Variants in BAIAP2 observed in about 807,000 individuals in gnomAD.
BAIAP2 encodes the protein BAR/IMD domain containing adaptor protein 2.
In BAIAP2, 18 loss-of-function variants were observed where a neutral mutation model predicts 63.0. The observed-to-expected ratio is 0.29, with a 90% CI of 0.20 to 0.42. The LOEUF is 0.42. BAIAP2 is among the 10% of genes least tolerant of loss of function. BAIAP2 has a pLI of 1.00. For synonymous variants in BAIAP2, 386 were observed against 307.6 expected (o/e 1.25, Z -2.67); for missense variants, 610 against 734.3 (o/e 0.83, Z 1.96).
intron 6 of BAIAP2, 72 bp downstream of exon 6, chr17:81,086,652 C>T (rs1206581654): frequency 5.1e-6 from 8 of 1,572,712 alleles, no homozygotes; most frequent in Non-Finnish European, 7.0e-6. Context: ...CCCCCCTCGT[C>T]CACAGGGAGT....
chr17:81,068,604 C>T (rs1004826908), intron 3 of BAIAP2, among the ~76,000 whole-genome samples: 4 of 152,250 alleles, frequency 2.6e-5, no homozygotes, highest in African/African-American at 7.2e-5. Context: ...ACAGACGGAG[C>T]CAGCACTGGA....
intron 3 of BAIAP2, chr17:81,076,354 G>A (rs1304168370): frequency 6.6e-6 from 1 of 152,238 alleles, no homozygotes; most frequent in African/African-American, 2.4e-5. Flanking sequence ...GCCCCGTCTA[G>A]GTTGTGGAGG....
intron 2 of BAIAP2, among the ~76,000 whole-genome samples, chr17:81,056,088 T>G (rs2049506768): frequency 6.6e-6 from 1 of 152,180 alleles, no homozygotes; most frequent in Middle Eastern, 3.2e-3. Context: ...GAGCTGCCTT[T>G]GCCTCTGGCC....
At chr17:81,073,496 A>T (rs1018003071) in intron 3 of BAIAP2, among the ~76,000 whole-genome samples, 1 of 152,198 alleles carries the variant, frequency 6.6e-6, no homozygotes, top group Admixed American at 6.5e-5. Context: ...AACTGAAATC[A>T]TCATGAAATG....
chr17:81,049,751 C>A (rs1340542699), intron 1 of BAIAP2, among the ~76,000 whole-genome samples: 1 of 152,250 alleles, frequency 6.6e-6, no homozygotes, highest in African/African-American at 2.4e-5. Context: ...CCCCTGCCCC[C>A]ACCTGGGGAC....
chr17:81,098,711 C>G (rs776939358), intron 6 of BAIAP2, among the ~76,000 whole-genome samples: 3 of 152,218 alleles, frequency 2.0e-5, no homozygotes, highest in African/African-American at 4.8e-5. Context: ...TGCTGGAACC[C>G]TTTCTGGGCC....
Position 81,106,917 on chromosome 17 carries a change from C to T in BAIAP2, c.1500+10C>T, listed in dbSNP as rs758313294. On this transcript the variant is annotated intron_variant, in intron 12 of 13. Coordinates refer to ENST00000428708, the MANE Select transcript of BAIAP2 (RefSeq NM_001144888.2). ...GCCCGCCTTCTCCCAGGTCAGTGGGCGGGGCCGGGGCTGGGAGGGGCCCGC... is the reference window on the plus strand; with the variant it reads ...GCCCGCCTTCTCCCAGGTCAGTGGGTGGGGCCGGGGCTGGGAGGGGCCCGC... 1.7e-5 allele frequency: 25 copies of T among 1,499,608 alleles called. No homozygotes were observed. The highest frequency in any genetic ancestry group is 2.0e-5 in the Non-Finnish European group (22 of 1,122,276). The allele number at this position is 1,499,608 out of a possible 1,614,324, so 92.9% of individuals were successfully genotyped here.
intron 3 of BAIAP2, among the ~76,000 whole-genome samples, chr17:81,073,007 G>A (rs1340320169): frequency 1.3e-5 from 2 of 152,108 alleles, no homozygotes; most frequent in African/African-American, 2.4e-5. Flanking sequence ...ACAGCCCTGG[G>A]TATTGGGTGC....
chr17:81,038,971 T>C (rs1459172389), intron 1 of BAIAP2, among the ~76,000 whole-genome samples: 1 of 152,222 alleles, frequency 6.6e-6, no homozygotes, highest in East Asian at 1.9e-4. Flanking sequence ...CGTGCGCGTG[T>C]ACATGTGTAT....
intron 3 of BAIAP2, among the ~76,000 whole-genome samples, chr17:81,066,484 C>T (rs1179848450): frequency 6.6e-6 from 1 of 152,238 alleles, no homozygotes; most frequent in Non-Finnish European, 1.5e-5. Context: ...TGAATGCCCA[C>T]CTGGGAGAGC....
intron 3 of BAIAP2, among the ~76,000 whole-genome samples, chr17:81,069,030 G>A (rs1368496127): frequency 6.6e-6 from 1 of 152,180 alleles, no homozygotes; most frequent in East Asian, 1.9e-4. Context: ...CAGCCCCAGG[G>A]GTGATCCCGG....
At chr17:81,096,919 C>T (rs1451863601) in intron 6 of BAIAP2, among the ~76,000 whole-genome samples, 1 of 152,162 alleles carries the variant, frequency 6.6e-6, no homozygotes, top group East Asian at 1.9e-4. Flanking sequence ...CTTCGCGCTC[C>T]AGCTGTGGAG....
chr17:81,094,841 C>T (rs1568157975), intron 6 of BAIAP2, among the ~76,000 whole-genome samples: 1 of 152,230 alleles, frequency 6.6e-6, no homozygotes, highest in Non-Finnish European at 1.5e-5. Flanking sequence ...TAAGTGTTAC[C>T]CATGGTGACA....
chr17:81,067,062 C>T (rs73365918), intron 3 of BAIAP2, among the ~76,000 whole-genome samples: 2,988 of 152,350 alleles, frequency 0.02, 96 homozygotes, highest in African/African-American at 0.069. Context: ...AGCACAGCGG[C>T]GCCTGCAGAT....
At chr17:81,068,064 T>G (rs559275861) in intron 3 of BAIAP2, among the ~76,000 whole-genome samples, 1 of 152,310 alleles carries the variant, frequency 6.6e-6, no homozygotes, top group South Asian at 2.1e-4. Flanking sequence ...TCTGCATCTC[T>G]GGGGTCCTGG....
chr17:81,080,848 C>T (rs1458935018), intron 3 of BAIAP2, among the ~76,000 whole-genome samples: 1 of 152,024 alleles, frequency 6.6e-6, no homozygotes, highest in Non-Finnish European at 1.5e-5. Flanking sequence ...GAGACCCCAT[C>T]TCAAAAAATA....
At chr17:81,035,335 G>A (rs1461382860) in intron 1 of BAIAP2, 27 bp downstream of exon 1, 21 of 1,356,500 alleles carry the variant, frequency 1.5e-5, no homozygotes, top group Non-Finnish European at 2.0e-5. Flanking sequence ...GCCGAGCTGA[G>A]CCCGCTCCGT....
intron 1 of BAIAP2, among the ~76,000 whole-genome samples, chr17:81,052,656 T>C (rs2048853288): frequency 6.6e-6 from 1 of 152,182 alleles, no homozygotes; most frequent in Non-Finnish European, 1.5e-5. Context: ...GGGGAGTGGC[T>C]TCCTTGTCCC....
chr17:81,102,705 C>T (rs978121067), intron 7 of BAIAP2, among the ~76,000 whole-genome samples: 1 of 145,866 alleles, frequency 6.9e-6, no homozygotes, highest in African/African-American at 2.5e-5. Context: ...GGGTGCCCAG[C>T]CACATGTAGA....
Sources: allele counts gnomAD v4.1 joint callset (sites outside exome capture counted in the v4.1 genomes callset), GRCh38; gene constraint gnomAD v4.1.1; transcripts MANE v1.5; gene names NCBI Gene and HGNC (gene_info 2026-07-23, HGNC 2026-07-21).